The following PBX1 variants were observed in gnomAD, a reference collection of about 807,000 sequenced individuals.
PBX1 encodes PBX homeobox 1.
A neutral mutation model predicts 53.4 loss-of-function variants in PBX1; 6 were observed. That is an observed-to-expected ratio of 0.11 (90% confidence interval 0.06 to 0.22). PBX1 has a LOEUF of 0.22. Among genes scored for constraint, PBX1 ranks in the 10% least tolerant of loss-of-function variants. The probability of loss-of-function intolerance (pLI) is 1.00; values close to 1 mark genes in which losing one functional copy is unlikely to be tolerated. For synonymous variants in PBX1, 204 were observed against 212.3 expected, an observed-to-expected ratio of 0.96 and a Z score of 0.34; for missense variants, 251 against 551.4, an observed-to-expected ratio of 0.46 and a Z score of 5.46.
chr1:164,709,200 T>C (rs1024201112), intron 2 of PBX1, among the ~76,000 whole-genome samples: 1 of 152,152 alleles, frequency 6.6e-6, no homozygotes, highest in Non-Finnish European at 1.5e-5. Flanking sequence ...TCCATTTGTC[T>C]CTGTTGTGTA....
intron 2 of PBX1, among the ~76,000 whole-genome samples, chr1:164,677,348 T>A (rs1186164389): frequency 7.9e-5 from 12 of 151,730 alleles, no homozygotes; most frequent in Admixed American, 7.9e-4. Context: ...CGCCTCGGCC[T>A]CCCAAAGTGC....
intron 2 of PBX1, among the ~76,000 whole-genome samples, chr1:164,862,215 G>A (rs1241454005): frequency 2.0e-5 from 3 of 152,118 alleles, no homozygotes; most frequent in East Asian, 1.9e-4. Context: ...CCTGGAATAA[G>A]GAAAGTTCAT....
At chr1:164,840,199 C>T (rs1056819453) in intron 8 of PBX1, among the ~76,000 whole-genome samples, 2 of 152,136 alleles carry the variant, frequency 1.3e-5, no homozygotes, top group African/African-American at 4.8e-5. Flanking sequence ...GCAAAATGTC[C>T]AAGTAAGACA....
intron 2 of PBX1, among the ~76,000 whole-genome samples, chr1:164,691,037 CAG>C (rs1393689763): frequency 1.1e-5 from 1 of 92,676 alleles, no homozygotes; most frequent in African/African-American, 3.8e-5. Flanking sequence ...TTTTTTGTGA[CAG>C]AGTCTCCCTT....
At chr1:164,798,483 C>CT (rs1179013574) in intron 3 of PBX1, among the ~76,000 whole-genome samples, 1 of 152,160 alleles carries the variant, frequency 6.6e-6, no homozygotes, top group African/African-American at 2.4e-5. Flanking sequence ...GTCATAGTAA[C>CT]TAAAAGAGAG....
At chr1:164,561,463 C>T (rs1470818129) in intron 1 of PBX1, among the ~76,000 whole-genome samples, 1 of 152,114 alleles carries the variant, frequency 6.6e-6, no homozygotes, top group Non-Finnish European at 1.5e-5. Context: ...TTAATTGGTG[C>T]TCTCTTTGAA....
At chr1:164,724,948 T>C (rs765861949) in intron 2 of PBX1, among the ~76,000 whole-genome samples, 7 of 152,062 alleles carry the variant, frequency 4.6e-5, no homozygotes, top group Non-Finnish European at 1.0e-4. Flanking sequence ...CGGATCCCTT[T>C]ATTGTCTTTT....
intron 3 of PBX1, among the ~76,000 whole-genome samples, chr1:164,796,341 A>G (rs774654131): frequency 2.0e-5 from 3 of 152,172 alleles, no homozygotes; most frequent in Admixed American, 6.5e-5. Context: ...ATATTATAAT[A>G]GATAAAACCA....
At chr1:164,693,255 A>T (rs1054945846) in intron 2 of PBX1, among the ~76,000 whole-genome samples, 1 of 152,198 alleles carries the variant, frequency 6.6e-6, no homozygotes, top group African/African-American at 2.4e-5. Flanking sequence ...GAAGGGAGGA[A>T]GTGTGAAGCA....
At chr1:164,607,848 A>G (rs1656662999) in intron 2 of PBX1, among the ~76,000 whole-genome samples, 1 of 152,204 alleles carries the variant, frequency 6.6e-6, no homozygotes, top group African/African-American at 2.4e-5. Context: ...TGAGAACTAT[A>G]GGTTCATCCG....
At chr1:164,779,974 A>G (rs1196806413) in intron 2 of PBX1, among the ~76,000 whole-genome samples, 1 of 152,164 alleles carries the variant, frequency 6.6e-6, no homozygotes, top group Non-Finnish European at 1.5e-5. Flanking sequence ...TTTAAAGGAA[A>G]ATTAAGACGG....
chr1:164,622,486 T>A (rs1233648135), intron 2 of PBX1, among the ~76,000 whole-genome samples: 1 of 152,200 alleles, frequency 6.6e-6, no homozygotes, highest in Non-Finnish European at 1.5e-5. Flanking sequence ...CCCTATGCCC[T>A]CAGCCTGTGA....
rs374220820 is a variant in PBX1 at position 164,747,319 on chromosome 1, G to GTATA, written c.266-45162_266-45159dup. On this transcript the variant is annotated intron_variant, in intron 2 of 8. Transcript: ENST00000420696. ...TAGCATCTGTATATGTATGAATCAT[G>GTATA]TATATATATATATATACACACACAC... Among the ~76,000 whole-genome samples, 830 of 150,196 alleles carry GTATA rather than the reference G, an allele frequency of 5.5e-3. 3 individuals are homozygous for GTATA. The highest frequency in any genetic ancestry group is 0.031 in the Middle Eastern group (9 of 292).
rs921400953 is a variant in PBX1 at position 164,561,197 on chromosome 1, A to G, written c.191+1184A>G. On this transcript the variant is annotated intron_variant, in intron 1 of 8. Transcript: ENST00000420696. ...CTGTAAACAAATATACGCAACTCCTATACTTCAGATGACTTGGTTATATGG... is the reference window on the plus strand; with the variant it reads ...CTGTAAACAAATATACGCAACTCCTGTACTTCAGATGACTTGGTTATATGG... Among the ~76,000 whole-genome samples the G allele has an allele frequency of 3.9e-5, 6 of 152,216 alleles. No individual in the cohort carries two copies. In the South Asian group the frequency reaches 6.2e-4, roughly 16 times the overall value.
chr1:164,862,938 C>T (rs1672133557), intron 2 of PBX1, among the ~76,000 whole-genome samples: 1 of 152,232 alleles, frequency 6.6e-6, no homozygotes, highest in Non-Finnish European at 1.5e-5. Flanking sequence ...TCTCTAGTGA[C>T]ATTTGTTACT....
intron 2 of PBX1, among the ~76,000 whole-genome samples, chr1:164,720,204 T>C (rs376044896): frequency 2.0e-5 from 3 of 152,318 alleles, no homozygotes; most frequent in East Asian, 3.9e-4. Context: ...TTGTGTTTTT[T>C]GTTTTAGAAA....
chr1:164,884,737 G>A (rs1478728459), intron 2 of PBX1, among the ~76,000 whole-genome samples: 1 of 152,168 alleles, frequency 6.6e-6, no homozygotes, highest in Non-Finnish European at 1.5e-5. Flanking sequence ...GCAGTGAGTT[G>A]GCAGATGTTG....
At chr1:164,629,504 C>T (rs1465868987) in intron 2 of PBX1, among the ~76,000 whole-genome samples, 1 of 152,102 alleles carries the variant, frequency 6.6e-6, no homozygotes, top group Non-Finnish European at 1.5e-5. Context: ...GAACTGAGTC[C>T]AGTGCACTGA....
chr1:164,612,747 G>A (rs564555026), intron 2 of PBX1, among the ~76,000 whole-genome samples: 245 of 152,220 alleles, frequency 1.6e-3, no homozygotes, highest in African/African-American at 5.5e-3. Flanking sequence ...CTCTGTTCCC[G>A]TCTTCCTGGT....
Sources: gnomAD v4.1 joint callset for allele counts (sites outside exome capture counted in the v4.1 genomes callset) on GRCh38, gnomAD v4.1.1 for gene constraint, MANE v1.5 for transcripts, NCBI Gene and HGNC (gene_info 2026-07-23, HGNC 2026-07-21) for gene names.